Variants in DECR1 observed in about 807,000 individuals in gnomAD.
DECR1 encodes the protein 2,4-dienoyl-CoA reductase [(3E)-enoyl-CoA-producing], mitochondrial.
DECR1 carries 44 observed loss-of-function variants against 38.8 expected under a neutral mutation model. The ratio of observed to expected loss-of-function variants is 1.13; its 90% CI spans 0.89 to 1.46. The LOEUF is 1.46. DECR1 is among the 40% of genes most tolerant of loss of function. DECR1 has a pLI of 0.00. For missense variants in DECR1, 428 were observed against 405.5 expected (o/e 1.06, Z -0.48); for synonymous variants, 148 against 135.2 (o/e 1.09, Z -0.66).
intron 1 of DECR1, chr8:90,006,174 G>A (rs1812734856): frequency 1.6e-5 from 11 of 703,512 alleles, no homozygotes; most frequent in South Asian, 1.5e-4. Flanking sequence ...TCCTTAGCAG[G>A]TTGACTAAGG....
intron 1 of DECR1, among the ~76,000 whole-genome samples, chr8:90,006,481 C>T (rs1490135089): frequency 3.3e-5 from 5 of 152,108 alleles, no homozygotes; most frequent in Admixed American, 6.5e-5. Context: ...CTGTTGGCTG[C>T]GTTAAAGAGT....
intron 1 of DECR1, among the ~76,000 whole-genome samples, chr8:90,014,676 A>G (rs914694279): frequency 1.3e-5 from 2 of 152,204 alleles, no homozygotes; most frequent in African/African-American, 4.8e-5. Context: ...TTTGTATGCA[A>G]ATATCTTGTT....
intron 5 of DECR1, among the ~76,000 whole-genome samples, chr8:90,027,110 T>G (rs1813366830): frequency 6.6e-6 from 1 of 152,196 alleles, no homozygotes; most frequent in African/African-American, 2.4e-5. Context: ...TTTCTGTTCT[T>G]TTACATTTGC....
chr8:90,029,878 C>A (rs1184470369), intron 5 of DECR1, among the ~76,000 whole-genome samples: 1 of 152,130 alleles, frequency 6.6e-6, no homozygotes. Context: ...TCATTCTTTA[C>A]CTGAGCCATA....
intron 8 of DECR1, among the ~76,000 whole-genome samples, chr8:90,049,918 A>C (rs79634359): frequency 0.32 from 48,222 of 152,082 alleles, 9,979 homozygotes; most frequent in Middle Eastern, 0.49. Flanking sequence ...CAAATACAAG[A>C]AATGGGGAAA....
intron 1 of DECR1, among the ~76,000 whole-genome samples, chr8:90,007,564 G>A (rs141993797): frequency 2.1e-4 from 32 of 151,952 alleles, no homozygotes; most frequent in Non-Finnish European, 3.7e-4. Context: ...GTGGGGGTGG[G>A]GTTAATGGAT....
chr8:90,048,073 G>C (rs973071663), intron 8 of DECR1, among the ~76,000 whole-genome samples: 5 of 152,184 alleles, frequency 3.3e-5, no homozygotes, highest in Admixed American at 3.3e-4. Flanking sequence ...ATGCCCACAA[G>C]AGAAAGCAGG....
In DECR1 at chr8:90,053,600, A is replaced by G. The variant is rs767101745; in HGVS notation, c.*1703A>G. On this transcript the variant is annotated 3_prime_UTR_variant, in exon 10 of 10. Coordinates refer to ENST00000220764, the MANE Select transcript of DECR1 (RefSeq NM_001359.2). ...GGTTAAATTTATACTAAATGTTTAC[A>G]TTTATATAACTTAATAAATATTATT... is the stretch of plus-strand genomic sequence containing the variant. 9.2e-5 allele frequency among the ~76,000 whole-genome samples: 14 copies of G among 152,148 alleles called. No homozygotes were observed. The highest frequency in any genetic ancestry group is 1.5e-4 in the Non-Finnish European group (10 of 68,022).
chr8:90,036,592 G>A (rs975427831), intron 5 of DECR1, among the ~76,000 whole-genome samples: 3 of 152,098 alleles, frequency 2.0e-5, no homozygotes, highest in Admixed American at 6.6e-5. Context: ...TTGGGCTTTC[G>A]TATTGACTCG....
At chr8:90,017,358 G>A (rs763131257) in intron 2 of DECR1, 32 bp downstream of exon 2, 16 of 1,575,074 alleles carry the variant, frequency 1.0e-5, no homozygotes, top group Admixed American at 7.1e-5. Context: ...TATTGGCGAC[G>A]CTTTTGAAGA....
chr8:90,013,834 C>T (rs950074477), intron 1 of DECR1, among the ~76,000 whole-genome samples: 1 of 152,054 alleles, frequency 6.6e-6, no homozygotes, highest in African/African-American at 2.4e-5. Context: ...ATATACAGTC[C>T]TTATCCTTGA....
At chr8:90,047,998 C>T (rs999096060) in intron 8 of DECR1, among the ~76,000 whole-genome samples, 1 of 152,118 alleles carries the variant, frequency 6.6e-6, no homozygotes, top group South Asian at 2.1e-4. Context: ...AGAACAAAGA[C>T]ACAACATACC....
intron 1 of DECR1, among the ~76,000 whole-genome samples, chr8:90,012,368 G>A (rs1423557367): frequency 1.3e-5 from 2 of 151,958 alleles, no homozygotes; most frequent in Non-Finnish European, 2.9e-5. Context: ...GGCCAGGTTG[G>A]TCTCGAACTC....
At chr8:90,033,979 T>C (rs1308584105) in intron 5 of DECR1, among the ~76,000 whole-genome samples, 2 of 152,190 alleles carry the variant, frequency 1.3e-5, no homozygotes, top group Non-Finnish European at 2.9e-5. Context: ...TCTACATCCC[T>C]CCTCTTTCAT....
At chr8:90,029,734 A>G (rs1158420129) in intron 5 of DECR1, among the ~76,000 whole-genome samples, 2 of 152,142 alleles carry the variant, frequency 1.3e-5, no homozygotes, top group Non-Finnish European at 2.9e-5. Context: ...ATTTCAAAAC[A>G]TTCCTTTTTC....
chr8:90,009,873 C>G (rs1812840565), intron 1 of DECR1, among the ~76,000 whole-genome samples: 1 of 152,188 alleles, frequency 6.6e-6, no homozygotes, highest in Non-Finnish European at 1.5e-5. Flanking sequence ...TCTGTTCAGT[C>G]TGCATCTAAC....
rs1042042482 is a variant in DECR1, at chr8:90,005,652, T to C, written c.69+4091T>C. 6 of 358,116 alleles carry C rather than the reference T, an allele frequency of 1.7e-5. No individual in the cohort carries two copies. In the Admixed American group the frequency reaches 1.9e-4, roughly 11 times the overall value. The allele number at this position is 358,116 out of a possible 1,614,324, so 22.2% of individuals were successfully genotyped here. ...TTCATACCCAACGATCCTGTCAAAATTTACCAGTCATATCAACTGTCTCTG... is the reference window on the plus strand; with the variant it reads ...TTCATACCCAACGATCCTGTCAAAACTTACCAGTCATATCAACTGTCTCTG... On this transcript the variant is annotated intron_variant, in intron 1 of 9. Coordinates refer to ENST00000220764, the MANE Select transcript of DECR1 (RefSeq NM_001359.2).
At chr8:90,025,443 T>C (rs1181438492) in intron 5 of DECR1, among the ~76,000 whole-genome samples, 2 of 152,226 alleles carry the variant, frequency 1.3e-5, no homozygotes, top group Non-Finnish European at 2.9e-5. Context: ...TTCACATCCC[T>C]TGTAAGTTGG....
chr8:90,007,427 G>A (rs1812771987), intron 1 of DECR1, among the ~76,000 whole-genome samples: 1 of 152,108 alleles, frequency 6.6e-6, no homozygotes, highest in Non-Finnish European at 1.5e-5. Flanking sequence ...TGAGATAGGG[G>A]TTTGAAATCA....
Sources: allele counts gnomAD v4.1 joint callset (sites outside exome capture counted in the v4.1 genomes callset), GRCh38; gene constraint gnomAD v4.1.1; transcripts MANE v1.5; gene names NCBI Gene and HGNC (gene_info 2026-07-23, HGNC 2026-07-21).